The following TENM2 variants were observed in gnomAD, a reference collection of about 807,000 sequenced individuals.
TENM2 encodes the protein teneurin transmembrane protein 2, also known as teneurin-2.
A neutral mutation model predicts 245.2 loss-of-function variants in TENM2; 52 were observed. The ratio of observed to expected loss-of-function variants is 0.21; its 90% CI spans 0.17 to 0.27. TENM2 has a LOEUF of 0.27. TENM2 is among the 10% of genes least tolerant of loss of function. TENM2 has a pLI of 1.00. For synonymous variants in TENM2, 1,363 were observed against 1,438.9 expected, an observed-to-expected ratio of 0.95 and a Z score of 1.19; for missense variants, 3,046 against 3,666.8, an observed-to-expected ratio of 0.83 and a Z score of 4.37.
Position 167,593,804 on chromosome 5 carries a change from T to C in TENM2, c.502+218331T>C, listed in dbSNP as rs371182656. On this transcript the variant is annotated intron_variant, in intron 2 of 28. Transcript: ENST00000518659. ...TCCTGGTGTCGGAGATAAACCACCA[T>C]TGTGGATCTTTGCATTTCTTTTCAC... Among the ~76,000 whole-genome samples, 260 of 152,294 alleles carry C rather than the reference T, an allele frequency of 1.7e-3. 12 individuals are homozygous for C. The South Asian group carries it at 0.052, about 30-fold the overall frequency.
At chr5:167,843,230 AG>A in intron 2 of TENM2, among the ~76,000 whole-genome samples, 1 of 152,326 alleles carries the variant, frequency 6.6e-6, no homozygotes, top group Admixed American at 6.5e-5. Flanking sequence ...AATACGTTTA[AG>A]CCCAATAAAA....
chr5:168,081,584 A>G (rs1336110697), intron 7 of TENM2, among the ~76,000 whole-genome samples: 1 of 152,004 alleles, frequency 6.6e-6, no homozygotes, highest in Non-Finnish European at 1.5e-5. Context: ...GTTCCTTTCC[A>G]TGTTTAGTGC....
At chr5:167,245,757 A>C in the TENM2 span, among the ~76,000 whole-genome samples, 1 of 152,202 alleles carries the variant, frequency 6.6e-6, no homozygotes, top group East Asian at 1.9e-4. Flanking sequence ...GCGCAAAAGC[A>C]AATTATAGAA....
rs867470345 is a variant in TENM2, at chr5:167,499,878, A to G, written c.502+124405A>G. On this transcript the variant is annotated intron_variant, in intron 2 of 28. Coordinates refer to ENST00000518659, the Ensembl canonical transcript of TENM2. Reference sequence around the variant, plus strand: ...TGTGTGCATGTGTATGTGAGGGTATATGTGTGTGTGTGTATATGTGTATGT... The same window carrying G: ...TGTGTGCATGTGTATGTGAGGGTATGTGTGTGTGTGTGTATATGTGTATGT... 2.6e-3 allele frequency among the ~76,000 whole-genome samples: 211 copies of G among 79,674 alleles called. 1 individual carries two copies. The highest frequency in any genetic ancestry group is 0.018 in the South Asian group (45 of 2,434). 52.3% of individuals were successfully genotyped at this position (79,674 alleles called of 152,430 possible).
chr5:167,614,138 G>A (rs1041919058), intron 2 of TENM2, among the ~76,000 whole-genome samples: 1 of 152,014 alleles, frequency 6.6e-6, no homozygotes, highest in South Asian at 2.1e-4. Context: ...GGTACACGCC[G>A]CTACTCAACT....
At chr5:168,045,265 AAAAAAT>A (rs1788516792) in intron 5 of TENM2, among the ~76,000 whole-genome samples, 1 of 152,150 alleles carries the variant, frequency 6.6e-6, no homozygotes, top group Non-Finnish European at 1.5e-5. Context: ...GGATACTTTT[AAAAAAT>A]AAAAATAAAA....
At position 168,124,766 on chromosome 5, in the gene TENM2, C is replaced by G. The variant is rs989028037; in HGVS notation, c.2009-84C>G. On this transcript the variant is annotated intron_variant, in intron 10 of 28. Transcript: ENST00000518659. ...GGAACTGGTGACCCACTGGTCCATT[C>G]AGCAGCAAGCCCATGTCTCATGGTC... The G allele has an allele frequency of 2.2e-5, 30 of 1,336,272 alleles. No homozygotes were observed. The Middle Eastern group carries it at 5.6e-4, about 25-fold the overall frequency. The allele number at this position is 1,336,272 out of a possible 1,614,324, so 82.8% of individuals were successfully genotyped here. A position where few individuals can be genotyped will look rare whatever the true frequency, so the allele number is the denominator to read the frequency against.
At chr5:168,125,794 G>A (rs147752190) in intron 11 of TENM2, among the ~76,000 whole-genome samples, 285 of 152,212 alleles carry the variant, frequency 1.9e-3, no homozygotes, top group Admixed American at 4.3e-3. Context: ...ATTTTGGAAT[G>A]TCTTCTCAGC....
intron 2 of TENM2, among the ~76,000 whole-genome samples, chr5:167,711,533 C>G (rs1182993706): frequency 6.6e-6 from 1 of 151,574 alleles, no homozygotes; most frequent in Non-Finnish European, 1.5e-5. Flanking sequence ...ACTTCAGTCT[C>G]TTTGTCCCCT....
chr5:167,546,821 A>G (rs1471332964), intron 2 of TENM2, among the ~76,000 whole-genome samples: 1 of 152,116 alleles, frequency 6.6e-6, no homozygotes, highest in Non-Finnish European at 1.5e-5. Context: ...GGTCAACTTC[A>G]ATGTGCTAAT....
chr5:167,754,996 T>C (rs1762205209), intron 2 of TENM2: 1 of 1,568,552 alleles, frequency 6.4e-7, no homozygotes, highest in African/African-American at 1.3e-5. Context: ...TGCTGGTGAT[T>C]TTTCTGTAGT....
intron 2 of TENM2, among the ~76,000 whole-genome samples, chr5:167,727,831 T>A (rs1760133724): frequency 6.6e-6 from 1 of 152,242 alleles, no homozygotes; most frequent in African/African-American, 2.4e-5. Flanking sequence ...ATCTAAGTTA[T>A]TGTAACTCCA....
At chr5:168,070,961 G>GAAGGGA (rs200422240) in intron 7 of TENM2, among the ~76,000 whole-genome samples, 3 of 150,688 alleles carry the variant, frequency 2.0e-5, no homozygotes, top group Non-Finnish European at 3.0e-5. Flanking sequence ...GAAAGGAAAG[G>GAAGGGA]AAGGGAAAGG....
At chr5:167,762,909 G>A (rs1169244296) in intron 2 of TENM2, among the ~76,000 whole-genome samples, 1 of 152,182 alleles carries the variant, frequency 6.6e-6, no homozygotes, top group Non-Finnish European at 1.5e-5. Context: ...TCTGCCATGT[G>A]CAGGAAATAC....
the TENM2 span, among the ~76,000 whole-genome samples, chr5:166,989,139 G>T: frequency 6.6e-6 from 1 of 151,178 alleles, no homozygotes; most frequent in Non-Finnish European, 1.5e-5. Flanking sequence ...GTGCAATCTC[G>T]ATTCACTGCA....
At chr5:167,260,852 G>C in the TENM2 span, among the ~76,000 whole-genome samples, 1 of 152,262 alleles carries the variant, frequency 6.6e-6, no homozygotes, top group East Asian at 1.9e-4. Context: ...TTTGAGCTTG[G>C]CCTCCAACGA....
chr5:167,298,932 T>C (rs1755137749), intron 1 of TENM2, among the ~76,000 whole-genome samples: 1 of 152,022 alleles, frequency 6.6e-6, no homozygotes, highest in African/African-American at 2.4e-5. Flanking sequence ...ATGACAAGTT[T>C]TTGGGGGCAC....
chr5:167,079,835 T>G, the TENM2 span, among the ~76,000 whole-genome samples: 1 of 152,310 alleles, frequency 6.6e-6, no homozygotes, highest in South Asian at 2.1e-4. Context: ...AAACAAAGAT[T>G]TCTCTAATGC....
intron 2 of TENM2, among the ~76,000 whole-genome samples, chr5:167,674,774 G>T (rs1020928054): frequency 1.4e-4 from 21 of 152,028 alleles, no homozygotes; most frequent in African/African-American, 5.1e-4. Flanking sequence ...TATCAGAGGA[G>T]CATTAGTTAA....
Sources: gnomAD v4.1 joint callset for allele counts (sites outside exome capture counted in the v4.1 genomes callset) on GRCh38, gnomAD v4.1.1 for gene constraint, MANE v1.5 for transcripts, NCBI Gene and HGNC (gene_info 2026-07-23, HGNC 2026-07-21) for gene names.